Variants in KREMEN1 observed in about 807,000 individuals in gnomAD.
KREMEN1 encodes the protein kremen protein 1.
In KREMEN1, 30 loss-of-function variants were observed where a neutral mutation model predicts 46.5. That is an observed-to-expected ratio of 0.65 (90% CI 0.48 to 0.88). KREMEN1 has a LOEUF of 0.88. KREMEN1 is among the 40% of genes least tolerant of loss of function. KREMEN1 has a pLI of 0.00. For synonymous variants in KREMEN1, 214 were observed against 230.6 expected (o/e 0.93, Z 0.65); for missense variants, 533 against 596.9 (o/e 0.89, Z 1.11).
intron 3 of KREMEN1, among the ~76,000 whole-genome samples, chr22:29,120,626 A>AACAGAGGAAGGAG (rs2038338754): frequency 1.5e-5 from 2 of 135,826 alleles, no homozygotes; most frequent in African/African-American, 5.4e-5. Context: ...AAACGGAGGA[A>AACAGAGGAAGGAG]GGAGAGGTGC....
At chr22:29,098,645 C>T (rs1323645991) in intron 2 of KREMEN1, among the ~76,000 whole-genome samples, 1 of 152,194 alleles carries the variant, frequency 6.6e-6, no homozygotes, top group Non-Finnish European at 1.5e-5. Flanking sequence ...CCTTTACTCA[C>T]TTCCCCCCAA....
At chr22:29,167,041 C>T in intron 9 of KREMEN1, 1 of 1,551,144 alleles carries the variant, frequency 6.4e-7, no homozygotes, top group Non-Finnish European at 8.7e-7. Context: ...CCTACCTTCC[C>T]AGGCAATTCA....
At chr22:29,141,146 G>A (rs961658705) in intron 8 of KREMEN1, among the ~76,000 whole-genome samples, 9 of 152,122 alleles carry the variant, frequency 5.9e-5, no homozygotes, top group African/African-American at 1.7e-4. Flanking sequence ...CGTTGTGAAT[G>A]CTGCCTTTGG....
intron 3 of KREMEN1, among the ~76,000 whole-genome samples, chr22:29,106,834 C>T (rs1248419489): frequency 1.3e-5 from 2 of 152,212 alleles, no homozygotes; most frequent in Non-Finnish European, 2.9e-5. Flanking sequence ...ATTAAGATTG[C>T]TTTTGTGACA....
intron 9 of KREMEN1, among the ~76,000 whole-genome samples, chr22:29,166,666 C>T (rs754410676): frequency 3.3e-5 from 5 of 152,110 alleles, no homozygotes; most frequent in Admixed American, 6.6e-5. Flanking sequence ...AGGCCAGGCG[C>T]GGTAGCTCAC....
chr22:29,124,967 G>C (rs1384846016), intron 4 of KREMEN1, among the ~76,000 whole-genome samples: 1 of 152,188 alleles, frequency 6.6e-6, no homozygotes, highest in Admixed American at 6.5e-5. Flanking sequence ...ATGTTTAGCT[G>C]TTACTCACAT....
intron 1 of KREMEN1, among the ~76,000 whole-genome samples, chr22:29,093,411 G>C (rs5762986): frequency 0.1 from 15,615 of 152,224 alleles, 1,139 homozygotes; most frequent in East Asian, 0.32. Flanking sequence ...TCTTTGTACT[G>C]TGCCTGTCTC....
At chr22:29,090,819 A>G (rs1263858878) in intron 1 of KREMEN1, among the ~76,000 whole-genome samples, 1 of 152,194 alleles carries the variant, frequency 6.6e-6, no homozygotes, top group Non-Finnish European at 1.5e-5. Context: ...TCAAAAAACA[A>G]TCACAGAATC....
At chr22:29,080,499 G>C (rs778947044) in intron 1 of KREMEN1, among the ~76,000 whole-genome samples, 2 of 152,182 alleles carry the variant, frequency 1.3e-5, no homozygotes, top group Non-Finnish European at 1.5e-5. Flanking sequence ...CACTGGCCTG[G>C]CTCACCAAAG....
Position 29,104,388 on chromosome 22 carries a change from C to T in KREMEN1, c.352+5435C>T, listed in dbSNP as rs2038020043. ...CCCTAGCCGGTCTCATACTCCTGGG[C>T]TCAGCAATCCTCCTGCCTTGGCCTC... On this transcript the variant is annotated intron_variant, in intron 3 of 8. Transcript: ENST00000400335. 2.0e-5 allele frequency among the ~76,000 whole-genome samples: 3 copies of T among 152,072 alleles called. No homozygotes were observed. The South Asian group carries it at 6.2e-4, about 32-fold the overall frequency.
intron 5 of KREMEN1, among the ~76,000 whole-genome samples, chr22:29,127,954 A>T (rs868347044): frequency 6.6e-6 from 1 of 152,176 alleles, no homozygotes; most frequent in Non-Finnish European, 1.5e-5. Context: ...CCTTGAAACC[A>T]TTATTCTAAA....
Position 29,145,381 on chromosome 22 carries a change from GC to G in KREMEN1, c.*3271del. The stretch of plus-strand genomic sequence containing the variant: ...TGGACAGAGCTCTGAAAGCACCCTG[GC>G]CAAAGCCCCTCCTGAGGTGACAGAG... On this transcript the variant is annotated 3_prime_UTR_variant, in exon 9 of 9. Transcript: ENST00000400335. 1 of 985,516 alleles carries G rather than the reference GC, an allele frequency of 1.0e-6. No homozygotes were observed. The highest frequency in any genetic ancestry group is 1.2e-6 in the Non-Finnish European group (1 of 830,044). 61.0% of individuals were successfully genotyped at this position (985,516 alleles called of 1,614,324 possible).
At chr22:29,126,468 C>G (rs372366942) in intron 5 of KREMEN1, among the ~76,000 whole-genome samples, 27 of 152,278 alleles carry the variant, frequency 1.8e-4, no homozygotes, top group African/African-American at 6.5e-4. Flanking sequence ...CAGTCTCTGC[C>G]TTCTCTTTCA....
At position 29,144,528 on chromosome 22, in the gene KREMEN1, TCA is replaced by T. The variant is rs142508839; in HGVS notation, c.*2421_*2422del. Reference sequence around the variant, plus strand: ...CAGGCCTCTGTCTCCAAGAGGCCTGTCACACAGGAGGACCGCTGGAAACATAC... The same window carrying T: ...CAGGCCTCTGTCTCCAAGAGGCCTGTCACAGGAGGACCGCTGGAAACATAC... On this transcript the variant is annotated 3_prime_UTR_variant, in exon 9 of 9. Coordinates refer to ENST00000400335, the MANE Select transcript of KREMEN1 (RefSeq NM_001039570.3). 556 of 985,514 alleles carry T rather than the reference TCA, an allele frequency of 5.6e-4. 3 individuals carry two copies. The African/African-American group carries it at 9.2e-3, about 16-fold the overall frequency. 61.0% of individuals were successfully genotyped at this position (985,514 alleles called of 1,614,324 possible).
intron 1 of KREMEN1, among the ~76,000 whole-genome samples, chr22:29,074,870 T>C (rs1013014290): frequency 1.3e-5 from 2 of 152,220 alleles, no homozygotes; most frequent in Non-Finnish European, 2.9e-5. Flanking sequence ...TTGTGAAGAT[T>C]AAATGATATA....
chr22:29,074,973 C>G (rs2037543770), intron 1 of KREMEN1, among the ~76,000 whole-genome samples: 1 of 152,164 alleles, frequency 6.6e-6, no homozygotes, highest in Admixed American at 6.5e-5. Context: ...GTGCTAGACA[C>G]CTCATTTACC....
chr22:29,148,566 G>C (rs1442645839), downstream of KREMEN1, among the ~76,000 whole-genome samples: 1 of 151,574 alleles, frequency 6.6e-6, no homozygotes, highest in Non-Finnish European at 1.5e-5. Context: ...CGATTCTCCT[G>C]CCTCAGCCTC....
intron 9 of KREMEN1, among the ~76,000 whole-genome samples, chr22:29,159,020 T>G (rs2038986271): frequency 6.6e-6 from 1 of 152,130 alleles, no homozygotes. Flanking sequence ...GGTTTCTCCA[T>G]GTTGGCCAGA....
intron 3 of KREMEN1, among the ~76,000 whole-genome samples, chr22:29,109,799 G>T (rs1333647681): frequency 6.6e-6 from 1 of 152,188 alleles, no homozygotes; most frequent in Non-Finnish European, 1.5e-5. Flanking sequence ...AAGGGCCTGG[G>T]CTATCATGGC....
Sources: allele counts gnomAD v4.1 joint callset (sites outside exome capture counted in the v4.1 genomes callset), GRCh38; gene constraint gnomAD v4.1.1; transcripts MANE v1.5; gene names NCBI Gene and HGNC (gene_info 2026-07-23, HGNC 2026-07-21).